Variants in AMPD1 observed in about 807,000 individuals in gnomAD.
The protein encoded by AMPD1 is AMP deaminase 1.
In AMPD1, 74 loss-of-function variants were observed where a neutral mutation model predicts 82.9. The ratio of observed to expected loss-of-function variants is 0.89; its 90% CI spans 0.74 to 1.08. The LOEUF is 1.08. Among genes scored for constraint, AMPD1 ranks in the 50% least tolerant of loss-of-function variants. The probability of loss-of-function intolerance (pLI) is 0.00; values close to 1 mark genes in which losing one functional copy is unlikely to be tolerated. For missense variants in AMPD1, 881 were observed against 924.5 expected (o/e 0.95, Z 0.61); for synonymous variants, 333 against 320.5 (o/e 1.04, Z -0.42).
intron 1 of AMPD1, among the ~76,000 whole-genome samples, chr1:114,694,538 C>T (rs1406648251): frequency 6.6e-6 from 1 of 151,984 alleles, no homozygotes; most frequent in African/African-American, 2.4e-5. Flanking sequence ...AATGGATGTG[C>T]AGATTTTTAA....
rs1399359392 is a variant in AMPD1, at chr1:114,677,514, C to T, written c.1225G>A (p.Glu409Lys). Residue 409 changes from glutamate to lysine, a missense_variant and splice_region_variant, in exon 10 of 16, where the codon GAG (glutamate) becomes AAG (lysine). Around this residue, in one of 2 missense-constraint regions of AMPD1, gnomAD observed 783 missense variants for 786.4 expected, o/e 1.00. Transcript: ENST00000520113. ...GCCTCCACCAGGTCCGCACCTACCT[C>T]CTGCAAAGCCAAGAGAGAAGTCCAA... ...NGEYFATIIK[E>K]VGADLVEAKY... 6.2e-6 allele frequency: 10 copies of T among 1,613,652 alleles called. No individual in the cohort carries two copies. Among genetic ancestry groups the T allele is most frequent in the East Asian group, 2.2e-5 (1 of 44,856 alleles).
chr1:114,690,050 G>A (rs372726677), intron 2 of AMPD1, among the ~76,000 whole-genome samples: 152 of 152,288 alleles, frequency 1.0e-3, no homozygotes, highest in Non-Finnish European at 1.5e-3. Context: ...CCCACAGGAT[G>A]ACAGAGCAAA....
rs955043922 is a variant in AMPD1 at position 114,677,485 on chromosome 1, C to G, written c.1254G>C (p.Lys418Asn). The G allele has an allele frequency of 6.2e-7, 1 of 1,613,394 alleles. No homozygotes were observed. The highest frequency in any genetic ancestry group is 8.5e-7 in the Non-Finnish European group (1 of 1,179,930). ...KEVGADLVEA[K>N]YQHAEPRLSI... ...ACAGGCGGGGCTCAGCATGCTGGTA[C>G]TTGGCCTCCACCAGGTCCGCACCTA... Residue 418 changes from lysine to asparagine, a missense_variant, in exon 10 of 16, where the codon AAG becomes AAC. Physicochemically the swap from Lys to Asn is moderately conservative, Grantham distance 94 (BLOSUM62 0). Transcript: ENST00000520113.
At position 114,673,149 on chromosome 1, in the gene AMPD1, T is replaced by C. The variant is rs1190147652; in HGVS notation, c.2209A>G (p.Asn737Asp). 31 of 1,614,114 alleles carry C rather than the reference T, an allele frequency of 1.9e-5. No individual in the cohort carries two copies. Among genetic ancestry groups the C allele is most frequent in the Non-Finnish European group, 2.5e-5 (30 of 1,179,982 alleles). ...YRYETWCYELNLIAEGLKSTE is the reference protein window; with the variant it reads ...YRYETWCYELDLIAEGLKSTE ...GATTTAAGACCCTCAGCAATTAAAT[T>C]GAGTTCATAACACCAGGTTTCATAG... The change falls in exon 16 of 16, where the codon AAT becomes GAT. Residue 737 changes from asparagine to aspartate, a missense_variant. Transcript: ENST00000520113.
chr1:114,677,872 C>A (rs1658045876), intron 9 of AMPD1, 38 bp downstream of exon 9: 1 of 1,537,520 alleles, frequency 6.5e-7, no homozygotes, highest in African/African-American at 1.4e-5. Context: ...CCTCAAGAAC[C>A]ATGCCAGATA....
Position 114,684,330 on chromosome 1 carries a change from C to T in AMPD1, c.416G>A (p.Gly139Asp). 6.2e-7 allele frequency: 1 copy of T among 1,613,968 alleles called. No homozygotes were observed. Among genetic ancestry groups the T allele is most frequent in the Non-Finnish European group, 8.5e-7 (1 of 1,180,010 alleles). ...TVEDFEIVCK[G>D]LYRALCIREK... The stretch of plus-strand genomic sequence containing the variant: ...ACGTATGCATAGTGCCCGATACAGA[C>T]CTTTGCAAACAATTTCAAAATCTTC... Residue 139 changes from glycine (G) to aspartate (D), a missense_variant, in exon 5 of 16, where the codon GGT (glycine) becomes GAT (aspartate). By Grantham distance (94) the Gly-to-Asp change is moderately conservative. Coordinates refer to ENST00000520113, the MANE Select transcript of AMPD1 (RefSeq NM_000036.3).
At position 114,695,517 on chromosome 1, in the gene AMPD1, A is replaced by C; in HGVS notation, c.-46T>G. 6.2e-7 allele frequency: 1 copy of C among 1,614,134 alleles called. No homozygotes were observed. The highest frequency in any genetic ancestry group is 8.5e-7 in the Non-Finnish European group (1 of 1,179,998). On this transcript the variant is annotated 5_prime_UTR_variant, in exon 1 of 16. Transcript: ENST00000520113. ...CTAGGATAGCACAGTAGAAAAGAAG[A>C]GAGAGGAGACTGTGGGGTGACTGAC... is the stretch of plus-strand genomic sequence containing the variant.
At position 114,677,378 on chromosome 1, in the gene AMPD1, G is replaced by A. The variant is rs768842182; in HGVS notation, c.1361C>T (p.Thr454Ile). The A allele has an allele frequency of 3.1e-6, 5 of 1,610,522 alleles. No homozygotes were observed. In the East Asian group the frequency reaches 8.9e-5, roughly 29 times the overall value. Residue 454 changes from threonine (T) to isoleucine (I), a missense_variant, in exon 10 of 16, where the codon ACA (threonine) becomes ATA (isoleucine). By Grantham distance (89) the Thr-to-Ile change is moderately conservative (BLOSUM62 -1). This residue lies in a region of AMPD1 where 783 missense variants were observed against 786.4 expected (regional missense o/e 1.00). Transcript: ENST00000520113. ...GATCCTGGGAACCTGGATCATCCAT[G>A]TCATGTTGGGGCAGTGGATGCGATT... ...VCNRIHCPNM[T>I]WMIQVPRIYD...
chr1:114,677,630 T>G (rs1057331851), intron 9 of AMPD1, 116 bp from the exon 10 acceptor site: 5 of 1,405,146 alleles, frequency 3.6e-6, no homozygotes, highest in Admixed American at 3.9e-5. Context: ...GGCTAGGTCC[T>G]TAATCAATCT....
chr1:114,683,599 T>C (rs1181956831), intron 5 of AMPD1, among the ~76,000 whole-genome samples: 1 of 151,956 alleles, frequency 6.6e-6, no homozygotes, highest in African/African-American at 2.4e-5. Context: ...TAGACAGGCA[T>C]GGTGACACAC....
In AMPD1 at chr1:114,689,006, C is replaced by T. The variant is rs138352165; in HGVS notation, c.35-265G>A. 3.2e-4 allele frequency: 215 copies of T among 677,994 alleles called. No homozygotes were observed. The African/African-American group carries it at 3.2e-3, about 10-fold the overall frequency. The allele number at this position is 677,994 out of a possible 1,614,324, so 42.0% of individuals were successfully genotyped here. A position where few individuals can be genotyped will look rare whatever the true frequency, so the allele number is the denominator to read the frequency against. ...CCTAAAGATGGTCCTAAAGATGAGA[C>T]CGGGCTGTTGTAGGACTAGCACCTC... On this transcript the variant is annotated intron_variant, in intron 2 of 15. Transcript: ENST00000520113.
chr1:114,688,810 T>C, intron 2 of AMPD1, 69 bp from the exon 3 acceptor site: 2 of 1,558,190 alleles, frequency 1.3e-6, no homozygotes, highest in South Asian at 2.2e-5. Flanking sequence ...TTCTGCTATG[T>C]GTAAGGCATG....
In AMPD1 at chr1:114,686,725, A is replaced by G. The variant is rs1264083377; in HGVS notation, c.381+20T>C. 2.5e-6 allele frequency: 4 copies of G among 1,613,660 alleles called. No individual in the cohort carries two copies. The Admixed American group carries it at 6.7e-5, about 27-fold the overall frequency. The stretch of plus-strand genomic sequence containing the variant: ...AATGGCTTCCTGGTTGCTAAGTCTG[A>G]GTGGCAAGGACCAACTCACCCCAGA... On this transcript the variant is annotated intron_variant, in intron 4 of 15. Transcript: ENST00000520113.
intron 2 of AMPD1, 47 bp downstream of exon 2, chr1:114,693,389 T>A (rs747418696): frequency 8.2e-6 from 13 of 1,579,382 alleles, no homozygotes; most frequent in African/African-American, 5.4e-5. Flanking sequence ...ATCATTTTTT[T>A]AAATTGATAC....
Position 114,675,628 on chromosome 1 carries a change from A to G in AMPD1, c.1581T>C (p.Ser527=). 6.2e-7 allele frequency: 1 copy of G among 1,614,006 alleles called. No homozygotes were observed. The highest frequency in any genetic ancestry group is 8.5e-7 in the Non-Finnish European group (1 of 1,180,008). The stretch of plus-strand genomic sequence containing the variant: ...CCAATGTCCACTCCTGGGGCTTGGG[A>G]CTCTTGGAGGAGAACATGTGGCCAC... ...KHSGHMFSSK[S]PKPQEWTLEK... is the part of the protein sequence containing the mutation. The change falls in exon 12 of 16, where the codon AGT becomes AGC. Residue 527 remains serine (S), a synonymous_variant. Transcript: ENST00000520113.
rs1475553694 is a variant in AMPD1, at chr1:114,673,937, T to C, written c.1946A>G (p.Asp649Gly). The C allele has an allele frequency of 6.2e-7, 1 of 1,614,116 alleles. No homozygotes were observed. The highest frequency in any genetic ancestry group is 2.2e-5 in the East Asian group (1 of 44,862). ...QKGLMISLST[D>G]DPMQFHFTKE... ...GGTAAAGTGGAATTGCATTGGGTCA[T>C]CTGTAGACAGTGAGATCATTAGCCC... Residue 649 changes from aspartate (D) to glycine (G), a missense_variant, in exon 14 of 16, where the codon GAT becomes GGT. Asp to Gly is a moderately conservative substitution (Grantham distance 94, BLOSUM62 -1). Transcript: ENST00000520113.
At chr1:114,693,396 A>T (rs1431126870) in intron 2 of AMPD1, 40 bp downstream of exon 2, 1 of 1,596,062 alleles carries the variant, frequency 6.3e-7, no homozygotes, top group South Asian at 1.1e-5. Flanking sequence ...TTTTAAATTG[A>T]TACTCTGACA....
In AMPD1 at chr1:114,675,661, G is replaced by A; in HGVS notation, c.1548C>T (p.Ser516=). Residue 516 remains serine, a synonymous_variant, in exon 12 of 16, where the codon TCC becomes TCT. Coordinates refer to ENST00000520113, the MANE Select transcript of AMPD1 (RefSeq NM_000036.3). ...AGGAGAACATGTGGCCACTGTGTTTGGACTCATCATCCACACTGTCAAAGC... is the reference window on the plus strand; with the variant it reads ...AGGAGAACATGTGGCCACTGTGTTTAGACTCATCATCCACACTGTCAAAGC... The part of the protein sequence containing the change: ...ITGFDSVDDE[S]KHSGHMFSSK... 6.2e-7 allele frequency: 1 copy of A among 1,614,154 alleles called. No individual in the cohort carries two copies. Among genetic ancestry groups the A allele is most frequent in the Non-Finnish European group, 8.5e-7 (1 of 1,180,024 alleles).
At chr1:114,676,854 T>C (rs112299499) in intron 10 of AMPD1, among the ~76,000 whole-genome samples, 3,039 of 152,184 alleles carry the variant, frequency 0.02, 96 homozygotes, top group African/African-American at 0.068. Flanking sequence ...CGATGAATGA[T>C]AGCAGGTGGT....
Sources: allele counts gnomAD v4.1 joint callset (sites outside exome capture counted in the v4.1 genomes callset), GRCh38; gene constraint gnomAD v4.1.1; regional missense constraint gnomAD v4.1.1; transcripts MANE v1.5; gene names NCBI Gene and HGNC (gene_info 2026-07-23, HGNC 2026-07-21).